The following ZNF385D variants were observed in gnomAD, a reference collection of about 807,000 sequenced individuals.
ZNF385D encodes zinc finger protein 659.
Under a neutral mutation model 35.8 loss-of-function variants are expected in ZNF385D, and 15 were observed. The ratio of observed to expected loss-of-function variants is 0.42; its 90% CI spans 0.28 to 0.64. The LOEUF is 0.64. ZNF385D is among the 30% of genes least tolerant of loss of function. ZNF385D has a pLI of 0.23. For missense variants in ZNF385D, 474 were observed against 494.6 expected (o/e 0.96, Z 0.39); for synonymous variants, 212 against 186.8 (o/e 1.13, Z -1.10).
At chr3:22,287,827 T>C (rs1395064140) in intron 2 of ZNF385D, among the ~76,000 whole-genome samples, 1 of 149,880 alleles carries the variant, frequency 6.7e-6, no homozygotes, top group African/African-American at 2.5e-5. Flanking sequence ...AATCTAAAAA[T>C]TTATTTACTT....
intron 3 of ZNF385D, among the ~76,000 whole-genome samples, chr3:21,869,943 AAAG>A (rs1277508214): frequency 6.6e-6 from 1 of 152,154 alleles, no homozygotes; most frequent in African/African-American, 2.4e-5. Context: ...AAAATTGATT[AAAG>A]AAGGTTTTTT....
intron 3 of ZNF385D, among the ~76,000 whole-genome samples, chr3:21,878,507 G>A (rs1217026806): frequency 6.7e-6 from 1 of 148,202 alleles, no homozygotes; most frequent in Non-Finnish European, 1.5e-5. Context: ...TCTATTTTGT[G>A]TTTTCACTCA....
chr3:21,738,549 C>T (rs1262357770), intron 1 of ZNF385D, among the ~76,000 whole-genome samples: 1 of 152,182 alleles, frequency 6.6e-6, no homozygotes, highest in Non-Finnish European at 1.5e-5. Context: ...ATTATTATCT[C>T]AACTGATTCG....
chr3:21,585,933 G>A (rs1480108107), intron 2 of ZNF385D, among the ~76,000 whole-genome samples: 3 of 152,136 alleles, frequency 2.0e-5, no homozygotes, highest in African/African-American at 7.2e-5. Context: ...CTTTGAGAGG[G>A]TGAGGTAGGG....
chr3:21,800,487 T>A (rs1428506869), intron 3 of ZNF385D, among the ~76,000 whole-genome samples: 2 of 152,138 alleles, frequency 1.3e-5, no homozygotes, highest in Non-Finnish European at 2.9e-5. Context: ...TTTTTTTTCC[T>A]AAAAGCTGGT....
chr3:21,688,833 A>G (rs1055239784), intron 1 of ZNF385D, among the ~76,000 whole-genome samples: 11 of 152,328 alleles, frequency 7.2e-5, no homozygotes, highest in Admixed American at 4.6e-4. Context: ...TAGAAAATCA[A>G]TTAAGAGCAC....
chr3:21,897,516 C>G (rs566583609), intron 3 of ZNF385D, among the ~76,000 whole-genome samples: 5 of 152,240 alleles, frequency 3.3e-5, no homozygotes, highest in African/African-American at 1.2e-4. Context: ...ACTTCCATTT[C>G]TCCTTACTAT....
intron 3 of ZNF385D, among the ~76,000 whole-genome samples, chr3:22,011,485 C>T (rs1012582696): frequency 6.6e-6 from 1 of 151,952 alleles, no homozygotes; most frequent in East Asian, 1.9e-4. Flanking sequence ...ACAACTCTTA[C>T]TATCATGATA....
At chr3:22,114,265 G>T (rs866803122) in intron 3 of ZNF385D, among the ~76,000 whole-genome samples, 37 of 151,938 alleles carry the variant, frequency 2.4e-4, no homozygotes, top group African/African-American at 8.5e-4. Context: ...TTATATTGGT[G>T]AAATATAAAT....
chr3:22,250,383 A>T (rs1199118042), intron 2 of ZNF385D, among the ~76,000 whole-genome samples: 1 of 151,974 alleles, frequency 6.6e-6, no homozygotes, highest in Non-Finnish European at 1.5e-5. Flanking sequence ...TAAAAGGTGT[A>T]TTTCTGCTTA....
chr3:21,511,799 C>A (rs1575080343), intron 3 of ZNF385D: 1 of 451,276 alleles, frequency 2.2e-6, no homozygotes, highest in Non-Finnish European at 4.4e-6. Flanking sequence ...TATGCATTTT[C>A]TCATGTTTTA....
At chr3:21,691,011 T>A (rs1350378971) in intron 1 of ZNF385D, among the ~76,000 whole-genome samples, 2 of 152,160 alleles carry the variant, frequency 1.3e-5, no homozygotes, top group Non-Finnish European at 2.9e-5. Context: ...AAATCTGTGG[T>A]CCCTGAATGT....
At chr3:22,362,312 G>A (rs1027247649) in intron 2 of ZNF385D, among the ~76,000 whole-genome samples, 15 of 151,850 alleles carry the variant, frequency 9.9e-5, no homozygotes, top group South Asian at 6.2e-4. Flanking sequence ...AAGAATCAAC[G>A]TGGAATATAT....
chr3:21,946,040 C>T (rs581116), intron 3 of ZNF385D, among the ~76,000 whole-genome samples: 39,532 of 152,056 alleles, frequency 0.26, 5,836 homozygotes, highest in Admixed American at 0.41. Flanking sequence ...ACATGGCAAA[C>T]TAGCTGATTT....
intron 2 of ZNF385D, among the ~76,000 whole-genome samples, chr3:22,356,179 T>C (rs556252837): frequency 1.4e-4 from 22 of 152,108 alleles, no homozygotes; most frequent in African/African-American, 4.3e-4. Flanking sequence ...CACCAAATCA[T>C]ACAAATACCA....
chr3:22,168,727 T>C (rs1202900445), intron 3 of ZNF385D: 3 of 781,348 alleles, frequency 3.8e-6, no homozygotes, highest in African/African-American at 3.8e-5. Context: ...TTTAAAAAAA[T>C]AGTTCATTCT....
Position 21,548,809 on chromosome 3 carries a change from A to T in ZNF385D, c.276+15765T>A, listed in dbSNP as rs1575152569. Among the ~76,000 whole-genome samples the T allele has an allele frequency of 2.6e-5, 4 of 152,186 alleles. No individual in the cohort carries two copies. The South Asian group carries it at 8.3e-4, about 32-fold the overall frequency. Reference sequence around the variant, plus strand: ...GCATGTCCCCTGATATCATACATAAAAACATTATGTTAGGGAACTTAGGAG... The same window carrying T: ...GCATGTCCCCTGATATCATACATAATAACATTATGTTAGGGAACTTAGGAG... On this transcript the variant is annotated intron_variant, in intron 3 of 7. Transcript: ENST00000281523.
At chr3:22,285,417 T>C (rs932973080) in intron 2 of ZNF385D, among the ~76,000 whole-genome samples, 1 of 152,296 alleles carries the variant, frequency 6.6e-6, no homozygotes, top group Middle Eastern at 3.4e-3. Flanking sequence ...CTGAAACCAT[T>C]TGAAAGTTTT....
intron 4 of ZNF385D, among the ~76,000 whole-genome samples, chr3:21,441,273 A>G (rs1701845424): frequency 6.6e-6 from 1 of 152,188 alleles, no homozygotes; most frequent in Non-Finnish European, 1.5e-5. Flanking sequence ...ATCATCGTGG[A>G]AGCACTTTTA....
Sources: gnomAD v4.1 joint callset for allele counts (sites outside exome capture counted in the v4.1 genomes callset) on GRCh38, gnomAD v4.1.1 for gene constraint, MANE v1.5 for transcripts, NCBI Gene and HGNC (gene_info 2026-07-23, HGNC 2026-07-21) for gene names.